HMGB1: variants seen among roughly 807,000 people sequenced by gnomAD.
HMGB1 encodes the protein high mobility group box 1.
For synonymous variants in HMGB1, 81 were observed against 84.0 expected (o/e 0.96, Z 0.19); for missense variants, 79 against 253.5 (o/e 0.31, Z 4.67).
rs1378616846 is a variant in HMGB1, at chr13:30,457,740, G to C, written c.*3617C>G. 1.3e-5 allele frequency: 2 copies of C among 152,138 alleles called. No homozygotes were observed. The highest frequency in any genetic ancestry group is 1.3e-4 in the Admixed American group (2 of 15,274). The allele number at this position is 152,138 out of a possible 1,614,324, so 9.4% of individuals were successfully genotyped here. Reference sequence around the variant, plus strand: ...TCCATGTTGTATGGTTATCTGTCATGATGTATCGTGAAACAAGCAATTCTA... The same window carrying C: ...TCCATGTTGTATGGTTATCTGTCATCATGTATCGTGAAACAAGCAATTCTA... On this transcript the variant is annotated 3_prime_UTR_variant, in exon 5 of 5. Transcript: ENST00000341423.
At chr13:30,475,354 A>G (rs61949688) in intron 1 of HMGB1, among the ~76,000 whole-genome samples, 88,109 of 148,550 alleles carry the variant, frequency 0.59, 26,390 homozygotes, top group East Asian at 0.78. Flanking sequence ...CTACAGGTGC[A>G]CACCATCATG....
intron 1 of HMGB1, among the ~76,000 whole-genome samples, chr13:30,549,841 C>A (rs559632369): frequency 5.3e-5 from 8 of 151,980 alleles, no homozygotes; most frequent in African/African-American, 1.7e-4. Flanking sequence ...CTCAGCTTCC[C>A]GAGTACCTGG....
At chr13:30,520,247 G>A (rs1196031446) in intron 1 of HMGB1, among the ~76,000 whole-genome samples, 1 of 152,088 alleles carries the variant, frequency 6.6e-6, no homozygotes, top group Admixed American at 6.5e-5. Flanking sequence ...ACTTGAACCT[G>A]GGAGGTGGAG....
In HMGB1 at chr13:30,519,465, G is replaced by C. The variant is rs1473028790; in HGVS notation, c.-14-55771C>G. On this transcript the variant is annotated intron_variant, in intron 1 of 4. Coordinates refer to the HMGB1 transcript ENST00000405805. Reference sequence around the variant, plus strand: ...AATCCCAGCACTTTGGGAGGCCAAGGTGGGCGGATCACGAGGTCAGGAGAT... The same window carrying C: ...AATCCCAGCACTTTGGGAGGCCAAGCTGGGCGGATCACGAGGTCAGGAGAT... Among the ~76,000 whole-genome samples the C allele has an allele frequency of 2.6e-5, 4 of 151,572 alleles. No individual in the cohort carries two copies. The East Asian group carries it at 7.8e-4, about 29-fold the overall frequency.
chr13:30,544,766 G>GTGGGTC (rs1481601073), intron 1 of HMGB1, among the ~76,000 whole-genome samples: 196 of 152,322 alleles, frequency 1.3e-3, no homozygotes, highest in African/African-American at 4.5e-3. Context: ...TGAGGAGAAG[G>GTGGGTC]AGGTGGGAAC....
In HMGB1 at chr13:30,463,224, A is replaced by C; in HGVS notation, c.279T>G (p.Asn93Lys). 6.2e-7 allele frequency: 1 copy of C among 1,603,824 alleles called. No homozygotes were observed. Among genetic ancestry groups the C allele is most frequent in the Non-Finnish European group, 8.5e-7 (1 of 1,178,182 alleles). Residue 93 changes from asparagine (N) to lysine (K), a missense_variant, in exon 3 of 5, where the codon AAT becomes AAG. Asn to Lys is a moderately conservative substitution (Grantham distance 94). Transcript: ENST00000341423. ...ATACTCACGGAGGCCTCTTGGGTGC[A>C]TTGGGATCCTTGAACTTCTTTTTTG... Reference protein sequence around the residue: ...GETKKKFKDPNAPKRPPSAFF... With the variant: ...GETKKKFKDPKAPKRPPSAFF...
In HMGB1 at chr13:30,521,847, G is replaced by A. The variant is rs1214358140; in HGVS notation, c.-14-58153C>T. ...ACAATCCTACCAGCAGTATATGAGG[G>A]TTTCAATTTCTCTACATACTTGTCC... On this transcript the variant is annotated intron_variant, in intron 1 of 4. Coordinates refer to the HMGB1 transcript ENST00000405805. Among the ~76,000 whole-genome samples, 3 of 152,098 alleles carry A rather than the reference G, an allele frequency of 2.0e-5. No individual in the cohort carries two copies. In the East Asian group the frequency reaches 5.8e-4, roughly 29 times the overall value.
intron 1 of HMGB1, among the ~76,000 whole-genome samples, chr13:30,586,595 T>A (rs1038493342): frequency 6.6e-6 from 1 of 151,322 alleles, no homozygotes; most frequent in Non-Finnish European, 1.5e-5. Context: ...TCAAGCAATT[T>A]TCCTGCCTCA....
At chr13:30,560,273 G>C (rs1869891916) in intron 1 of HMGB1, among the ~76,000 whole-genome samples, 1 of 152,180 alleles carries the variant, frequency 6.6e-6, no homozygotes, top group African/African-American at 2.4e-5. Context: ...GTTCCATGGT[G>C]GGGTGGTCAG....
intron 4 of HMGB1, chr13:30,461,783 AG>A: frequency 1.2e-6 from 1 of 805,462 alleles, no homozygotes. Flanking sequence ...TGCCTCATTG[AG>A]GTGCAATTAT....
chr13:30,463,712 T>C lies in HMGB1; in HGVS notation c.-14-18A>G. ...TTATTTTTCTAAAAAATAAAATAAA[T>C]ATTTGATGTTAGCAATAAAATTATG... On this transcript the variant is annotated intron_variant, in intron 1 of 4. Coordinates refer to ENST00000341423, the MANE Select transcript of HMGB1 (RefSeq NM_002128.7). The C allele has an allele frequency of 3.4e-6, 5 of 1,466,502 alleles. No homozygotes were observed. Among genetic ancestry groups the C allele is most frequent in the African/African-American group, 1.4e-5 (1 of 70,538 alleles). 90.8% of individuals were successfully genotyped at this position (1,466,502 alleles called of 1,614,324 possible).
chr13:30,563,969 T>C (rs1424715555), intron 1 of HMGB1, among the ~76,000 whole-genome samples: 2 of 152,242 alleles, frequency 1.3e-5, no homozygotes, highest in Non-Finnish European at 2.9e-5. Context: ...ATGGGAAACC[T>C]ATCTTGCTTT....
chr13:30,605,835 A>G (rs1950452760), intron 1 of HMGB1, among the ~76,000 whole-genome samples: 1 of 152,240 alleles, frequency 6.6e-6, no homozygotes, highest in Admixed American at 6.5e-5. Context: ...CACAGATTCA[A>G]CATTTAATGC....
At chr13:30,598,147 C>T (rs1435157693) in intron 1 of HMGB1, among the ~76,000 whole-genome samples, 1 of 152,252 alleles carries the variant, frequency 6.6e-6, no homozygotes, top group Non-Finnish European at 1.5e-5. Flanking sequence ...ACCAGTACCC[C>T]TGTGTTGTTT....
chr13:30,589,869 C>CAA (rs78862948), intron 1 of HMGB1, among the ~76,000 whole-genome samples: 2 of 121,954 alleles, frequency 1.6e-5, no homozygotes, highest in East Asian at 2.4e-4. Flanking sequence ...GACTCTGTCT[C>CAA]AAAAAAAAAA....
chr13:30,489,232 G>A (rs577351665), intron 1 of HMGB1, among the ~76,000 whole-genome samples: 3 of 152,156 alleles, frequency 2.0e-5, no homozygotes, highest in South Asian at 2.1e-4. Context: ...GCAGTAGTAC[G>A]TGCCTGTAGT....
At chr13:30,524,583 T>A (rs916172364) in intron 1 of HMGB1, among the ~76,000 whole-genome samples, 44 of 152,136 alleles carry the variant, frequency 2.9e-4, no homozygotes, top group Admixed American at 2.5e-3. Context: ...CTTGGGAGGC[T>A]GAGGCAGGAG....
chr13:30,544,878 G>A (rs1015794462), intron 1 of HMGB1, among the ~76,000 whole-genome samples: 1 of 152,116 alleles, frequency 6.6e-6, no homozygotes, highest in Admixed American at 6.5e-5. Context: ...GCCCAATCCA[G>A]GACAGGCAGA....
chr13:30,474,741 C>T (rs548753678), intron 1 of HMGB1, among the ~76,000 whole-genome samples: 6 of 138,972 alleles, frequency 4.3e-5, no homozygotes, highest in South Asian at 4.7e-4. Context: ...GGCGACAGAG[C>T]GAGATGGTCT....
Sources: allele counts gnomAD v4.1 joint callset (sites outside exome capture counted in the v4.1 genomes callset), GRCh38; gene constraint gnomAD v4.1.1; transcripts MANE v1.5; gene names NCBI Gene and HGNC (gene_info 2026-07-23, HGNC 2026-07-21).